The following NFX1 variants were observed in gnomAD, a reference collection of about 807,000 sequenced individuals.
NFX1 encodes the protein nuclear transcription factor, X-box binding 1, also known as transcriptional repressor NF-X1.
Under a neutral mutation model 137.2 loss-of-function variants are expected in NFX1, and 69 were observed. That is an observed-to-expected ratio of 0.50 (90% CI 0.41 to 0.61). The LOEUF (loss-of-function observed/expected upper bound fraction) is 0.61. NFX1 is among the 20% of genes least tolerant of loss of function. NFX1 has a pLI of 0.00. For missense variants in NFX1, 1,167 were observed against 1,391.0 expected, an observed-to-expected ratio of 0.84 and a Z score of 2.56; for synonymous variants, 495 against 474.1, an observed-to-expected ratio of 1.04 and a Z score of -0.57.
intron 7 of NFX1, among the ~76,000 whole-genome samples, chr9:33,318,109 T>C (rs1822242504): frequency 1.3e-5 from 2 of 152,156 alleles, no homozygotes; most frequent in Admixed American, 1.3e-4. Flanking sequence ...TTATTGTATA[T>C]GTGATTTTAA....
chr9:33,331,305 A>G (rs1822797752), intron 10 of NFX1, among the ~76,000 whole-genome samples: 1 of 152,224 alleles, frequency 6.6e-6, no homozygotes, highest in Non-Finnish European at 1.5e-5. Flanking sequence ...TAAATAAAAC[A>G]TTTCTTAAAA....
chr9:33,362,134 A>G (rs1182055087), intron 19 of NFX1, among the ~76,000 whole-genome samples: 1 of 152,038 alleles, frequency 6.6e-6, no homozygotes, highest in African/African-American at 2.4e-5. Flanking sequence ...AAAAAAAAAA[A>G]AAACAATTAG....
chr9:33,335,915 T>C (rs1166220444), intron 11 of NFX1, among the ~76,000 whole-genome samples: 1 of 152,252 alleles, frequency 6.6e-6, no homozygotes, highest in East Asian at 1.9e-4. Context: ...TTTATGAATA[T>C]ACATTTTATC....
At chr9:33,334,936 C>T (rs1023576390) in intron 11 of NFX1, among the ~76,000 whole-genome samples, 3 of 152,204 alleles carry the variant, frequency 2.0e-5, no homozygotes, top group Admixed American at 6.5e-5. Context: ...TGAATCCCCA[C>T]GTACCTATGA....
chr9:33,311,557 AT>A (rs34822919), intron 6 of NFX1, among the ~76,000 whole-genome samples: 116 of 146,606 alleles, frequency 7.9e-4, no homozygotes, highest in Non-Finnish European at 9.8e-4. Context: ...AGTGACAAGG[AT>A]TTTTTTTTTT....
Position 33,295,091 on chromosome 9 carries a change from G to A in NFX1, c.697G>A (p.Ala233Thr). ...AAAAGGAGTATTGGATGGGTATGGA[G>A]CCAGACGAAATGAGCAGAGAAGATA... is the stretch of plus-strand genomic sequence containing the variant. ...SRKGVLDGYG[A>T]RRNEQRRYPQ... Residue 233 changes from alanine (A) to threonine (T), a missense_variant, in exon 2 of 24, where the codon GCC (alanine) becomes ACC (threonine). By Grantham distance (58) the Ala-to-Thr change is moderately conservative. Around this residue, in one of 3 missense-constraint regions of NFX1, gnomAD observed 367 missense variants for 386.7 expected, o/e 0.95. Coordinates refer to ENST00000379540, the MANE Select transcript of NFX1 (RefSeq NM_002504.6). The A allele has an allele frequency of 6.2e-7, 1 of 1,614,138 alleles. No homozygotes were observed. The highest frequency in any genetic ancestry group is 8.5e-7 in the Non-Finnish European group (1 of 1,180,034).
intron 17 of NFX1, 33 bp downstream of exon 17, chr9:33,352,752 C>A: frequency 1.3e-6 from 2 of 1,547,834 alleles, no homozygotes; most frequent in Non-Finnish European, 1.8e-6. Context: ...CAACTGATGG[C>A]CTAGGTGAAA....
At chr9:33,354,228 T>C in intron 18 of NFX1, 41 bp downstream of exon 18, 1 of 1,468,142 alleles carries the variant, frequency 6.8e-7, no homozygotes, top group Non-Finnish European at 9.4e-7. Flanking sequence ...TTTCTTCAAT[T>C]AGACTTCAAT....
At chr9:33,334,123 C>T (rs1319576949) in intron 11 of NFX1, among the ~76,000 whole-genome samples, 14 of 152,008 alleles carry the variant, frequency 9.2e-5, no homozygotes, top group Admixed American at 2.6e-4. Context: ...CCAGCCTGGG[C>T]GACAGAGTGA....
chr9:33,352,923 G>A (rs879515943), intron 17 of NFX1: 1 of 528,554 alleles, frequency 1.9e-6, no homozygotes, highest in Admixed American at 3.4e-5. Context: ...AGCTGGAAAG[G>A]TTTTTTTGTT....
chr9:33,309,263 A>G (rs953685651), intron 5 of NFX1, among the ~76,000 whole-genome samples: 15 of 152,016 alleles, frequency 9.9e-5, no homozygotes, highest in Non-Finnish European at 1.9e-4. Flanking sequence ...AGGCTGATGC[A>G]GGAGAATGGC....
chr9:33,295,191 G>A lies in NFX1; in HGVS notation c.797G>A (p.Gly266Asp), dbSNP rs750658985. 46 of 1,614,014 alleles carry A rather than the reference G, an allele frequency of 2.9e-5. 1 individual carries two copies. The South Asian group carries it at 4.7e-4, about 17-fold the overall frequency. Reference protein sequence around the residue: ...RPGRNPPKQEGHRHTNAGHRN... With the variant: ...RPGRNPPKQEDHRHTNAGHRN... The stretch of plus-strand genomic sequence containing the variant: ...GGCAGAAATCCACCAAAACAGGAGG[G>A]CCACCGACATACAAACGCAGGACAC... The change falls in exon 2 of 24, where the codon GGC becomes GAC. Residue 266 changes from glycine (G) to aspartate (D), a missense_variant. This residue lies in a region of NFX1 where 367 missense variants were observed against 386.7 expected (regional missense o/e 0.95). Transcript: ENST00000379540.
intron 11 of NFX1, among the ~76,000 whole-genome samples, 176 bp from the exon 12 acceptor site, chr9:33,338,334 G>A (rs1027986983): frequency 4.7e-4 from 72 of 152,020 alleles, no homozygotes; most frequent in African/African-American, 1.7e-3. Flanking sequence ...CAGCCTGGGC[G>A]ACAGAGAAAG....
At chr9:33,342,990 T>C in intron 13 of NFX1, 136 bp downstream of exon 13, 1 of 631,340 alleles carries the variant, frequency 1.6e-6, no homozygotes, top group Non-Finnish European at 2.7e-6. Context: ...GTTGAGACTT[T>C]TTTTAAAGTT....
chr9:33,341,514 G>A (rs1001211061), intron 12 of NFX1, among the ~76,000 whole-genome samples: 4 of 152,128 alleles, frequency 2.6e-5, no homozygotes, highest in East Asian at 1.9e-4. Flanking sequence ...AAGGTAGTAC[G>A]TGTGTATGTA....
intron 19 of NFX1, among the ~76,000 whole-genome samples, chr9:33,360,019 G>C (rs1823938348): frequency 6.6e-6 from 1 of 152,108 alleles, no homozygotes; most frequent in Non-Finnish European, 1.5e-5. Flanking sequence ...ATTTTCCTTG[G>C]TTTGACCCTT....
intron 17 of NFX1, chr9:33,352,945 G>C (rs1391637168): frequency 4.2e-6 from 2 of 476,594 alleles, no homozygotes; most frequent in African/African-American, 3.9e-5. Context: ...GTTTTGTTTT[G>C]TTTTATTGAG....
intron 10 of NFX1, 24 bp from the exon 11 acceptor site, chr9:33,332,448 C>A: frequency 6.3e-7 from 1 of 1,588,260 alleles, no homozygotes; most frequent in Non-Finnish European, 8.6e-7. Context: ...AAAGTAGTTA[C>A]CATTTCTTTT....
intron 11 of NFX1, among the ~76,000 whole-genome samples, chr9:33,333,038 G>T (rs567844369): frequency 6.6e-6 from 1 of 152,258 alleles, no homozygotes; most frequent in Non-Finnish European, 1.5e-5. Context: ...TAGAGACGGG[G>T]TTTCACTGTG....
Sources: allele counts gnomAD v4.1 joint callset (sites outside exome capture counted in the v4.1 genomes callset), GRCh38; gene constraint gnomAD v4.1.1; regional missense constraint gnomAD v4.1.1; transcripts MANE v1.5; gene names NCBI Gene and HGNC (gene_info 2026-07-23, HGNC 2026-07-21).